The following EFR3A variants were observed in gnomAD, a reference collection of about 807,000 sequenced individuals.
EFR3A encodes the protein protein EFR3 homolog A.
A neutral mutation model predicts 104.4 loss-of-function variants in EFR3A; 76 were observed. The observed-to-expected ratio is 0.73, with a 90% CI of 0.60 to 0.88. EFR3A has a LOEUF of 0.88. EFR3A is among the 40% of genes least tolerant of loss of function. EFR3A has a pLI of 0.00. For synonymous variants in EFR3A, 330 were observed against 330.0 expected, an observed-to-expected ratio of 1.00 and a Z score of 0.00; for missense variants, 985 against 1,012.5, an observed-to-expected ratio of 0.97 and a Z score of 0.37.
rs200821953 is a variant in EFR3A at position 132,010,405 on chromosome 8, G to GATATATATATATATAT, written c.2361-384_2361-383insTATATATATATATATA. 3.8e-4 allele frequency among the ~76,000 whole-genome samples: 33 copies of GATATATATATATATAT among 88,000 alleles called. 2 individuals carry two copies. Among genetic ancestry groups the GATATATATATATATAT allele is most frequent in the African/African-American group, 9.0e-4 (19 of 21,088 alleles). The allele number at this position is 88,000 out of a possible 152,430, so 57.7% of individuals were successfully genotyped here. On this transcript the variant is annotated intron_variant, in intron 22 of 22. Transcript: ENST00000254624. The stretch of plus-strand genomic sequence containing the variant: ...TTGTTCTCTGGATTAAATCAAGTAT[G>GATATATATATATATAT]AGATATATATATATATATATATATA...
intron 1 of EFR3A, among the ~76,000 whole-genome samples, chr8:131,917,945 A>G (rs2130421973): frequency 6.6e-6 from 1 of 152,350 alleles, no homozygotes; most frequent in South Asian, 2.1e-4. Context: ...TATGATTAAC[A>G]TAAAAATACC....
At chr8:131,956,055 C>T in intron 7 of EFR3A, 150 bp downstream of exon 7, 1 of 902,440 alleles carries the variant, frequency 1.1e-6, no homozygotes, top group Admixed American at 2.8e-5. Context: ...AGGACTGAGT[C>T]ATGCATGATG....
chr8:132,005,200 C>G (rs1283338896), intron 22 of EFR3A, among the ~76,000 whole-genome samples: 6 of 152,106 alleles, frequency 3.9e-5, no homozygotes, highest in African/African-American at 1.4e-4. Context: ...ATTTAGGAAG[C>G]AGTAGCTCTG....
intron 7 of EFR3A, 61 bp downstream of exon 7, chr8:131,955,966 T>A: frequency 6.3e-7 from 1 of 1,579,772 alleles, no homozygotes; most frequent in Non-Finnish European, 8.6e-7. Context: ...TGTGTTAACT[T>A]ATTTATAGAG....
Position 131,984,203 on chromosome 8 carries a change from A to G in EFR3A, c.1640A>G (p.Asn547Ser), listed in dbSNP as rs750232720. 4 of 1,612,300 alleles carry G rather than the reference A, an allele frequency of 2.5e-6. No homozygotes were observed. In the South Asian group the frequency reaches 4.4e-5, roughly 18 times the overall value. The change falls in exon 15 of 23, where the codon AAC becomes AGC. Residue 547 changes from asparagine (N) to serine (S), a missense_variant. Transcript: ENST00000254624. Reference sequence around the variant, plus strand: ...AAAGAGGAAGACAACGTTCAGAAAAACTATGAACTACTTTATACTTCTCTT... The same window carrying G: ...AAAGAGGAAGACAACGTTCAGAAAAGCTATGAACTACTTTATACTTCTCTT... ...GCKEEDNVQK[N>S]YELLYTSLAL...
chr8:131,937,056 G>T (rs1563642330), intron 1 of EFR3A, among the ~76,000 whole-genome samples: 1 of 152,066 alleles, frequency 6.6e-6, no homozygotes, highest in South Asian at 2.1e-4. Flanking sequence ...CACACCAGAA[G>T]CTATCCTTGA....
Position 131,940,592 on chromosome 8 carries a change from C to T in EFR3A, c.87+17C>T. The T allele has an allele frequency of 6.3e-7, 1 of 1,596,064 alleles. No homozygotes were observed. On this transcript the variant is annotated intron_variant, in intron 2 of 22. Coordinates refer to ENST00000254624, the MANE Select transcript of EFR3A (RefSeq NM_015137.6). ...GATCCAAAAGTAATTTGATCTACAT[C>T]TACTGATCCTTCTCTTTGCTGACCC...
At chr8:131,905,659 G>A (rs961108667) in intron 1 of EFR3A, among the ~76,000 whole-genome samples, 28 of 152,246 alleles carry the variant, frequency 1.8e-4, no homozygotes, top group African/African-American at 4.8e-4. Context: ...CCTTTTGGCT[G>A]GAGGAATATC....
intron 8 of EFR3A, among the ~76,000 whole-genome samples, chr8:131,961,321 T>C (rs564872517): frequency 9.9e-5 from 15 of 152,224 alleles, no homozygotes; most frequent in Admixed American, 9.2e-4. Context: ...GAAAAAAGAT[T>C]AGACAAATGG....
At chr8:131,957,044 G>GAACTC in intron 7 of EFR3A, among the ~76,000 whole-genome samples, 1 of 152,076 alleles carries the variant, frequency 6.6e-6, no homozygotes, top group Admixed American at 6.6e-5. Flanking sequence ...TGAATAACTT[G>GAACTC]AACTCAGTTA....
At chr8:131,909,387 A>G (rs1397527248) in intron 1 of EFR3A, among the ~76,000 whole-genome samples, 3 of 152,122 alleles carry the variant, frequency 2.0e-5, no homozygotes, top group African/African-American at 7.2e-5. Flanking sequence ...CCTCTACAGA[A>G]AAATTAAAAA....
intron 22 of EFR3A, 28 bp downstream of exon 22, chr8:132,003,313 T>C: frequency 6.3e-7 from 1 of 1,595,996 alleles, no homozygotes; most frequent in African/African-American, 1.3e-5. Context: ...ACAATAGCAA[T>C]AACACACACA....
intron 1 of EFR3A, among the ~76,000 whole-genome samples, chr8:131,937,171 A>G (rs917453191): frequency 2.2e-4 from 34 of 152,190 alleles, no homozygotes; most frequent in African/African-American, 8.0e-4. Flanking sequence ...AAGACCAAAT[A>G]TATATTTCAC....
chr8:131,936,524 C>T (rs970189231), intron 1 of EFR3A, among the ~76,000 whole-genome samples: 2 of 151,988 alleles, frequency 1.3e-5, no homozygotes, highest in Non-Finnish European at 2.9e-5. Flanking sequence ...CATACACACA[C>T]ACATGCTCTC....
At chr8:131,976,886 T>A (rs1376347669) in intron 11 of EFR3A, among the ~76,000 whole-genome samples, 155 bp from the exon 12 acceptor site, 1 of 152,150 alleles carries the variant, frequency 6.6e-6, no homozygotes, top group Non-Finnish European at 1.5e-5. Flanking sequence ...CACGTGAAAT[T>A]TTACTTTGGC....
intron 19 of EFR3A, among the ~76,000 whole-genome samples, chr8:131,998,998 G>C (rs1307184911): frequency 6.6e-6 from 1 of 151,946 alleles, no homozygotes; most frequent in African/African-American, 2.4e-5. Context: ...TTATCAGCTT[G>C]ACTAATAGAA....
chr8:132,005,519 G>T lies in EFR3A; in HGVS notation c.2360+2234G>T, dbSNP rs147857092. ...CCAGTTATTGGAATTAGTAGAAAAG[G>T]CCCTTAGAACACCACACACCCACAC... is the stretch of plus-strand genomic sequence containing the variant. On this transcript the variant is annotated intron_variant, in intron 22 of 22. Transcript: ENST00000254624. 1.2e-4 allele frequency among the ~76,000 whole-genome samples: 18 copies of T among 151,606 alleles called. No individual in the cohort carries two copies. In the East Asian group the frequency reaches 3.5e-3, roughly 29 times the overall value.
intron 1 of EFR3A, among the ~76,000 whole-genome samples, chr8:131,936,861 GCCCATCCACA>G (rs1817920439): frequency 6.6e-6 from 1 of 152,072 alleles, no homozygotes. Context: ...CCACCTGGAA[GCCCATCCACA>G]CCCAGTCCTT....
chr8:131,963,792 C>G (rs1473535698), intron 8 of EFR3A, among the ~76,000 whole-genome samples: 8 of 152,172 alleles, frequency 5.3e-5, no homozygotes, highest in African/African-American at 1.4e-4. Flanking sequence ...AGACCAATAT[C>G]CCTGATGAAC....
Sources: gnomAD v4.1 joint callset for allele counts (sites outside exome capture counted in the v4.1 genomes callset) on GRCh38, gnomAD v4.1.1 for gene constraint, MANE v1.5 for transcripts, NCBI Gene and HGNC (gene_info 2026-07-23, HGNC 2026-07-21) for gene names.